Variants in KRABD5 observed in about 807,000 individuals in gnomAD.
KRABD5 encodes the protein KRAB domain containing 5.
the KRABD5 span, among the ~76,000 whole-genome samples, chr16:31,746,797 G>A: frequency 6.6e-6 from 1 of 152,046 alleles, no homozygotes; most frequent in Non-Finnish European, 1.5e-5. Flanking sequence ...GTATTTCTTG[G>A]AGGCTTTGTT....
the KRABD5 span, among the ~76,000 whole-genome samples, chr16:31,744,647 T>A: frequency 6.6e-6 from 1 of 152,252 alleles, no homozygotes; most frequent in South Asian, 2.1e-4. Flanking sequence ...TAAACTGAGT[T>A]ATTGAGGAGT....
At chr16:31,733,416 T>C in the KRABD5 span, 1 of 425,802 alleles carries the variant, frequency 2.3e-6, no homozygotes, top group Non-Finnish European at 4.8e-6. Context: ...GAAAACATAA[T>C]TGTCATCTCA....
At chr16:31,722,604 G>A in the KRABD5 span, 3 of 1,611,336 alleles carry the variant, frequency 1.9e-6, no homozygotes, top group Non-Finnish European at 2.5e-6. Context: ...CATGGTCAAT[G>A]TGCTATTTAT....
the KRABD5 span, among the ~76,000 whole-genome samples, chr16:31,749,843 C>T: frequency 1.3e-5 from 2 of 152,146 alleles, no homozygotes; most frequent in East Asian, 3.9e-4. Context: ...TTGTTCTTTT[C>T]GATGGGAGCC....
At chr16:31,731,185 G>A in the KRABD5 span, among the ~76,000 whole-genome samples, 1 of 152,154 alleles carries the variant, frequency 6.6e-6, no homozygotes, top group Non-Finnish European at 1.5e-5. Flanking sequence ...ACAGTTTTGG[G>A]AAATAAATAC....
chr16:31,735,425 A>G, the KRABD5 span, among the ~76,000 whole-genome samples: 3 of 152,164 alleles, frequency 2.0e-5, no homozygotes, highest in Non-Finnish European at 4.4e-5. Flanking sequence ...TTGGATATAT[A>G]CCCAATAGTG....
At chr16:31,727,674 CCTTT>C in the KRABD5 span, among the ~76,000 whole-genome samples, 3 of 152,108 alleles carry the variant, frequency 2.0e-5, no homozygotes, top group East Asian at 1.9e-4. Context: ...GCTTCAATCT[CCTTT>C]CTTATTATTG....
At chr16:31,748,187 C>T in the KRABD5 span, among the ~76,000 whole-genome samples, 4 of 152,188 alleles carry the variant, frequency 2.6e-5, no homozygotes, top group African/African-American at 7.2e-5. Flanking sequence ...AGGAAGGGAT[C>T]CAGTTTCAGC....
At chr16:31,746,981 TC>T in the KRABD5 span, among the ~76,000 whole-genome samples, 1 of 151,894 alleles carries the variant, frequency 6.6e-6, no homozygotes, top group Middle Eastern at 3.4e-3. Context: ...CATTTATGTT[TC>T]TGTTTTTTTT....
chr16:31,713,318 T>G, the KRABD5 span: 1 of 1,449,068 alleles, frequency 6.9e-7, no homozygotes, highest in Non-Finnish European at 9.5e-7. Context: ...TCCTTCCATC[T>G]GGGAGGCCAA....
At chr16:31,758,051 A>T in the KRABD5 span, 1 of 152,206 alleles carries the variant, frequency 6.6e-6, no homozygotes, top group Non-Finnish European at 1.5e-5. Context: ...GTATCAACAC[A>T]TCTAGGTCTA....
At chr16:31,738,441 A>G in the KRABD5 span, among the ~76,000 whole-genome samples, 1 of 152,120 alleles carries the variant, frequency 6.6e-6, no homozygotes, top group African/African-American at 2.4e-5. Flanking sequence ...ACCCGTTTAT[A>G]ATTATATAAT....
chr16:31,714,107 A>G, the KRABD5 span, among the ~76,000 whole-genome samples: 2 of 152,198 alleles, frequency 1.3e-5, no homozygotes, highest in African/African-American at 4.8e-5. Context: ...GACAGTGGAT[A>G]TCTGTGTTCC....
the KRABD5 span, among the ~76,000 whole-genome samples, chr16:31,731,328 A>T: frequency 1.3e-5 from 2 of 151,650 alleles, no homozygotes; most frequent in Admixed American, 1.3e-4. Flanking sequence ...CAGGGCATAG[A>T]TAGTCATGGA....
the KRABD5 span, among the ~76,000 whole-genome samples, chr16:31,738,674 G>A: frequency 2.6e-5 from 4 of 152,064 alleles, no homozygotes; most frequent in South Asian, 2.1e-4. Flanking sequence ...TATGTATAAA[G>A]TAATTACTGA....
the KRABD5 span, among the ~76,000 whole-genome samples, chr16:31,716,871 CCTT>C: frequency 1.3e-4 from 20 of 152,224 alleles, no homozygotes; most frequent in African/African-American, 2.6e-4. Flanking sequence ...ATATTTCTCT[CCTT>C]CTTTTTCTTG....
chr16:31,723,211 T>C, the KRABD5 span: 16 of 1,585,814 alleles, frequency 1.0e-5, no homozygotes, highest in African/African-American at 1.9e-4. Context: ...GAGCTGGCAA[T>C]TAAAGAACTC....
the KRABD5 span, among the ~76,000 whole-genome samples, chr16:31,733,297 C>A: frequency 6.6e-6 from 1 of 151,916 alleles, no homozygotes; most frequent in East Asian, 1.9e-4. Context: ...AATTCACAAT[C>A]TATTGTTTGG....
the KRABD5 span, among the ~76,000 whole-genome samples, chr16:31,740,986 C>T: frequency 2.0e-5 from 3 of 152,190 alleles, no homozygotes; most frequent in Non-Finnish European, 2.9e-5. Flanking sequence ...CTTTACTGCC[C>T]CCATGAGTCC....
Sources: allele counts gnomAD v4.1 joint callset (sites outside exome capture counted in the v4.1 genomes callset), GRCh38; gene constraint gnomAD v4.1.1; transcripts MANE v1.5; gene names NCBI Gene and HGNC (gene_info 2026-07-23, HGNC 2026-07-21).